Variants in DNAI4 observed in about 807,000 individuals in gnomAD.
DNAI4 encodes the protein WD repeat domain 78.
A neutral mutation model predicts 105.8 loss-of-function variants in DNAI4; 85 were observed. The ratio of observed to expected loss-of-function variants is 0.80; its 90% confidence interval spans 0.67 to 0.96. The LOEUF (loss-of-function observed/expected upper bound fraction) is 0.96, where lower values mean the gene tolerates loss of function less well. Ranked by LOEUF, DNAI4 falls within the 40% of genes least tolerant of loss-of-function variation. DNAI4 has a pLI of 0.00. For missense variants in DNAI4, 1,014 were observed against 1,005.6 expected, an observed-to-expected ratio of 1.01 and a Z score of -0.11; for synonymous variants, 352 against 331.5, an observed-to-expected ratio of 1.06 and a Z score of -0.67.
At chr1:66,861,709 A>G (rs1241323671) in intron 7 of DNAI4, among the ~76,000 whole-genome samples, 1 of 152,188 alleles carries the variant, frequency 6.6e-6, no homozygotes, top group Non-Finnish European at 1.5e-5. Context: ...TAGTCATGAA[A>G]AACAAGAATG....
intron 7 of DNAI4, among the ~76,000 whole-genome samples, chr1:66,854,296 T>C (rs1646455158): frequency 6.6e-6 from 1 of 151,484 alleles, no homozygotes; most frequent in Non-Finnish European, 1.5e-5. Flanking sequence ...GAGGCTGAGG[T>C]GGGAGAATTG....
chr1:66,883,521 G>T (rs144132276), intron 4 of DNAI4, among the ~76,000 whole-genome samples: 1 of 151,930 alleles, frequency 6.6e-6, no homozygotes, highest in Non-Finnish European at 1.5e-5. Flanking sequence ...CAGGTGATCC[G>T]CCCATCTCGG....
At position 66,833,625 on chromosome 1, in the gene DNAI4, G is replaced by A. The variant is rs1180553844; in HGVS notation, c.1973C>T (p.Ser658Phe). 6.2e-7 allele frequency: 1 copy of A among 1,613,384 alleles called. No individual in the cohort carries two copies. Among genetic ancestry groups the A allele is most frequent in the South Asian group, 1.1e-5 (1 of 91,036 alleles). Residue 658 changes from serine (S) to phenylalanine (F), a missense_variant, in exon 13 of 17, where the codon TCT becomes TTT. Physicochemically the swap from Ser to Phe is radical, Grantham distance 155 (BLOSUM62 -2). Transcript: ENST00000371026. ...AAAACACATTCCAGGAGCCTGTCGA[G>A]ATATCAAAGCTTCATCTTTCTTTTC... ...EKEKKDEALISRQAPGMCFAF... is the reference protein window; with the variant it reads ...EKEKKDEALIFRQAPGMCFAF...
At chr1:66,915,659 T>C (rs944008387) in intron 1 of DNAI4, among the ~76,000 whole-genome samples, 8 of 152,144 alleles carry the variant, frequency 5.3e-5, no homozygotes, top group African/African-American at 1.7e-4. Flanking sequence ...AAAGAGTGTA[T>C]CATTTTAAAA....
chr1:66,828,817 A>G (rs1645807379), intron 13 of DNAI4, among the ~76,000 whole-genome samples: 1 of 152,114 alleles, frequency 6.6e-6, no homozygotes, highest in Non-Finnish European at 1.5e-5. Flanking sequence ...GGTCCTAGAG[A>G]TATTTTCCTA....
intron 13 of DNAI4, among the ~76,000 whole-genome samples, chr1:66,832,944 C>T (rs535558070): frequency 6.9e-4 from 105 of 152,152 alleles, no homozygotes; most frequent in African/African-American, 2.4e-3. Context: ...AGAGTCACCA[C>T]GTGAATTGAA....
rs202043689 is a variant in DNAI4 at position 66,833,688 on chromosome 1, C to A, written c.1910G>T (p.Arg637Ile). ...LDCYDLMRLKRTTAASNKKGG... is the reference protein window; with the variant it reads ...LDCYDLMRLKITTAASNKKGG... ...TTTTTTGTTACTGGCAGCTGTAGTT[C>A]TCTTTAATCGCATCAAATCTGTATT... The change falls in exon 13 of 17, where the codon AGA (arginine) becomes ATA (isoleucine). Residue 637 changes from arginine (R) to isoleucine (I), a missense_variant. Arg to Ile is a moderately conservative substitution (Grantham distance 97). Coordinates refer to ENST00000371026, the MANE Select transcript of DNAI4 (RefSeq NM_024763.5). 6.2e-7 allele frequency: 1 copy of A among 1,612,730 alleles called. No individual in the cohort carries two copies. The highest frequency in any genetic ancestry group is 8.5e-7 in the Non-Finnish European group (1 of 1,179,388).
At chr1:66,844,154 TA>T (rs1321255641) in intron 8 of DNAI4, among the ~76,000 whole-genome samples, 4 of 130,232 alleles carry the variant, frequency 3.1e-5, no homozygotes, top group Non-Finnish European at 6.7e-5. Flanking sequence ...TAATTCAAAA[TA>T]AATAACATGA....
intron 1 of DNAI4, among the ~76,000 whole-genome samples, chr1:66,910,051 T>G (rs189729300): frequency 2.6e-5 from 4 of 152,048 alleles, no homozygotes; most frequent in African/African-American, 9.7e-5. Flanking sequence ...ATGACCTCTT[T>G]AAAACACATG....
chr1:66,850,828 A>C (rs1646381317), intron 7 of DNAI4, among the ~76,000 whole-genome samples: 2 of 151,962 alleles, frequency 1.3e-5, no homozygotes, highest in African/African-American at 4.8e-5. Context: ...AAATTAAATA[A>C]TAAAAAAGCT....
chr1:66,907,090 A>C (rs561394516), intron 1 of DNAI4: 46 of 152,076 alleles, frequency 3.0e-4, no homozygotes, highest in African/African-American at 1.0e-3. Context: ...TCCTCTACCT[A>C]TTACTATATC....
chr1:66,826,894 C>A lies in DNAI4; in HGVS notation c.2265G>T (p.Trp755Cys), dbSNP rs749485144. 1.2e-6 allele frequency: 2 copies of A among 1,614,046 alleles called. No homozygotes were observed. The highest frequency in any genetic ancestry group is 8.5e-7 in the Non-Finnish European group (1 of 1,179,998). ...PATSVVYDVA[W>C]SPKSSYIFAA... The stretch of plus-strand genomic sequence containing the variant: ...CAAATATATAGGATGATTTTGGAGA[C>A]CAGGCAACGTCGTAAACAACAGAAG... The change falls in exon 15 of 17, where the codon TGG (tryptophan) becomes TGT (cysteine). Residue 755 changes from tryptophan (W) to cysteine (C), a missense_variant. Trp to Cys is a radical substitution (Grantham distance 215, BLOSUM62 -2). Coordinates refer to ENST00000371026, the MANE Select transcript of DNAI4 (RefSeq NM_024763.5).
At chr1:66,906,220 T>C (rs1649239105) in intron 1 of DNAI4, among the ~76,000 whole-genome samples, 1 of 152,072 alleles carries the variant, frequency 6.6e-6, no homozygotes, top group Non-Finnish European at 1.5e-5. Context: ...TGTGCCCTTT[T>C]TAATAAGAAG....
intron 2 of DNAI4, among the ~76,000 whole-genome samples, chr1:66,900,899 T>TA (rs1648764947): frequency 6.6e-6 from 1 of 152,206 alleles, no homozygotes; most frequent in East Asian, 1.9e-4. Flanking sequence ...TTTTCTTGTC[T>TA]AATTTACATG....
In DNAI4 at chr1:66,923,569, A is replaced by C. The variant is rs532829473; in HGVS notation, c.170+1093T>G. Among the ~76,000 whole-genome samples the C allele has an allele frequency of 1.9e-4, 29 of 152,324 alleles. No homozygotes were observed. The South Asian group carries it at 6.0e-3, about 32-fold the overall frequency. ...GATCGAGAAGCGATAAACCCGACCG[A>C]CACTGCTTCATTCAAAAAGAATGAA... On this transcript the variant is annotated intron_variant, in intron 1 of 16. Coordinates refer to ENST00000371026, the MANE Select transcript of DNAI4 (RefSeq NM_024763.5).
chr1:66,852,618 C>G (rs554827496), intron 7 of DNAI4, among the ~76,000 whole-genome samples: 3 of 151,970 alleles, frequency 2.0e-5, no homozygotes, highest in African/African-American at 7.2e-5. Context: ...AAAAAAATCA[C>G]ATGATCATAT....
rs199722095 is a variant in DNAI4, at chr1:66,840,677, G to A, written c.1292-6C>T. On this transcript the variant is annotated splice_polypyrimidine_tract_variant and splice_region_variant and intron_variant, in intron 8 of 16. Coordinates refer to ENST00000371026, the MANE Select transcript of DNAI4 (RefSeq NM_024763.5). Reference sequence around the variant, plus strand: ...AGGCTCTTCAGGTTCAGGTTCTAAAGTTTAAACAAATAAAAAGATCATTGT... The same window carrying A: ...AGGCTCTTCAGGTTCAGGTTCTAAAATTTAAACAAATAAAAAGATCATTGT... The A allele has an allele frequency of 1.2e-6, 2 of 1,613,688 alleles. No individual in the cohort carries two copies. Among genetic ancestry groups the A allele is most frequent in the African/African-American group, 2.7e-5 (2 of 74,838 alleles).
At chr1:66,875,495 T>C (rs1340093836) in intron 4 of DNAI4, among the ~76,000 whole-genome samples, 1 of 152,124 alleles carries the variant, frequency 6.6e-6, no homozygotes, top group Non-Finnish European at 1.5e-5. Context: ...ATGCAAATAA[T>C]AGAGTGAAAA....
At chr1:66,817,153 T>C (rs1572576424) in intron 16 of DNAI4, among the ~76,000 whole-genome samples, 1 of 152,192 alleles carries the variant, frequency 6.6e-6, no homozygotes, top group Non-Finnish European at 1.5e-5. Context: ...CTATCCAGTC[T>C]TCCACTGATC....
Sources: gnomAD v4.1 joint callset for allele counts (sites outside exome capture counted in the v4.1 genomes callset) on GRCh38, gnomAD v4.1.1 for gene constraint, MANE v1.5 for transcripts, NCBI Gene and HGNC (gene_info 2026-07-23, HGNC 2026-07-21) for gene names.